The following APBB2 variants were observed in gnomAD, a reference collection of about 807,000 sequenced individuals.
APBB2 encodes the protein amyloid beta precursor protein binding family B member 2.
A neutral mutation model predicts 82.5 loss-of-function variants in APBB2; 38 were observed. That is an observed-to-expected ratio of 0.46 (90% confidence interval 0.36 to 0.60). The LOEUF (loss-of-function observed/expected upper bound fraction) is 0.60. Among genes scored for constraint, APBB2 ranks in the 20% least tolerant of loss-of-function variants. The pLI is 0.00. For synonymous variants in APBB2, 341 were observed against 368.2 expected, an observed-to-expected ratio of 0.93 and a Z score of 0.85; for missense variants, 772 against 972.3, an observed-to-expected ratio of 0.79 and a Z score of 2.74.
chr4:41,210,867 GA>G (rs1366105315), intron 1 of APBB2, among the ~76,000 whole-genome samples: 8 of 152,214 alleles, frequency 5.3e-5, no homozygotes, highest in African/African-American at 1.9e-4. Context: ...TACCTTTTCA[GA>G]GGGGTTTTCT....
chr4:41,105,158 C>T (rs932530135), intron 2 of APBB2, among the ~76,000 whole-genome samples: 3 of 152,158 alleles, frequency 2.0e-5, no homozygotes, highest in African/African-American at 7.2e-5. Flanking sequence ...AGTTAACATT[C>T]AGCATACATA....
At chr4:40,941,392 T>C (rs139568112) in intron 7 of APBB2, among the ~76,000 whole-genome samples, 223 of 152,306 alleles carry the variant, frequency 1.5e-3, no homozygotes, top group Middle Eastern at 3.4e-3. Flanking sequence ...ATATGTGACA[T>C]AGCCTCCCTT....
At chr4:41,075,776 T>C (rs1422282415) in intron 3 of APBB2, among the ~76,000 whole-genome samples, 1 of 152,240 alleles carries the variant, frequency 6.6e-6, no homozygotes, top group Non-Finnish European at 1.5e-5. Context: ...ATGTATACTT[T>C]AGAGATAACT....
At chr4:41,049,251 G>C (rs1190419157) in intron 4 of APBB2, among the ~76,000 whole-genome samples, 1 of 147,712 alleles carries the variant, frequency 6.8e-6, no homozygotes, top group South Asian at 2.2e-4. Context: ...CCGTCTGGGA[G>C]GTGAGGAGCG....
At chr4:40,891,815 G>T (rs1181669374) in intron 11 of APBB2, among the ~76,000 whole-genome samples, 1 of 151,960 alleles carries the variant, frequency 6.6e-6, no homozygotes, top group Non-Finnish European at 1.5e-5. Flanking sequence ...TCCTCCAAAG[G>T]TCAGTCATTC....
At chr4:41,098,039 T>G (rs1407102134) in intron 3 of APBB2, among the ~76,000 whole-genome samples, 1 of 145,120 alleles carries the variant, frequency 6.9e-6, no homozygotes, top group Non-Finnish European at 1.5e-5. Flanking sequence ...TCCCATTAAC[T>G]TCCATGTAAC....
At chr4:41,092,581 C>T (rs1324755174) in intron 3 of APBB2, among the ~76,000 whole-genome samples, 3 of 151,142 alleles carry the variant, frequency 2.0e-5, no homozygotes, top group Non-Finnish European at 4.4e-5. Flanking sequence ...CGCAGCTACT[C>T]GGGAGGCTGA....
intron 1 of APBB2, among the ~76,000 whole-genome samples, chr4:41,153,069 C>T (rs963668726): frequency 6.6e-6 from 1 of 152,132 alleles, no homozygotes; most frequent in Non-Finnish European, 1.5e-5. Flanking sequence ...CATGCCCGTA[C>T]CCCAAAAGCT....
chr4:40,980,821 T>C (rs1178045555), intron 6 of APBB2, among the ~76,000 whole-genome samples: 1 of 152,204 alleles, frequency 6.6e-6, no homozygotes, highest in Non-Finnish European at 1.5e-5. Context: ...TCAGGCTTTT[T>C]CTCAAATCTA....
intron 3 of APBB2, among the ~76,000 whole-genome samples, chr4:41,081,492 A>G (rs1208282225): frequency 2.0e-5 from 3 of 152,260 alleles, no homozygotes; most frequent in Admixed American, 6.5e-5. Flanking sequence ...CGTATAAAGG[A>G]GGTAAATTCA....
At chr4:41,195,196 G>A in intron 1 of APBB2, among the ~76,000 whole-genome samples, 2 of 152,072 alleles carry the variant, frequency 1.3e-5, no homozygotes, top group African/African-American at 4.8e-5. Context: ...AAACTCGTAA[G>A]TCCAACTGCC....
chr4:41,091,393 G>A (rs576629194), intron 3 of APBB2, among the ~76,000 whole-genome samples: 1 of 152,306 alleles, frequency 6.6e-6, no homozygotes, highest in East Asian at 1.9e-4. Context: ...CCGTTTATTT[G>A]CAGATACTTT....
Position 41,127,326 on chromosome 4 carries a change from G to A in APBB2, c.-261+15661C>T, listed in dbSNP as rs1249626039. ...CACATTTTATAAGCATTTGTACTGC[G>A]ACAATACAACACAAGGAAAAAAAAA... On this transcript the variant is annotated intron_variant, in intron 2 of 17. Coordinates refer to ENST00000508593, the MANE Select transcript of APBB2 (RefSeq NM_004307.2). This position sits in a 1 kb window ranked among gnomAD's most constrained non-coding sequence, Gnocchi z 4.8. Among the ~76,000 whole-genome samples the A allele has an allele frequency of 5.3e-5, 8 of 151,980 alleles. No individual in the cohort carries two copies. Among genetic ancestry groups the A allele is most frequent in the African/African-American group, 1.7e-4 (7 of 41,390 alleles).
At chr4:41,212,158 GGAAAA>G (rs1779486422) in intron 1 of APBB2, among the ~76,000 whole-genome samples, 1 of 152,070 alleles carries the variant, frequency 6.6e-6, no homozygotes, top group South Asian at 2.1e-4. Context: ...TCTGGTGGCA[GGAAAA>G]GAAAACAGTC....
At chr4:40,850,009 C>A (rs1490175632) in intron 12 of APBB2, among the ~76,000 whole-genome samples, 1 of 152,210 alleles carries the variant, frequency 6.6e-6, no homozygotes, top group African/African-American at 2.4e-5. Context: ...CAGGCGTGAG[C>A]CACCGTGCCC....
At position 40,812,274 on chromosome 4, in the gene APBB2, A is replaced by C. The variant is rs1275674050; in HGVS notation, c.*3818T>G. Reference sequence around the variant, plus strand: ...TCTATTTCTATTCCTTGTATATGTGACTAAGATGTCAGATAAATGAGCCGA... The same window carrying C: ...TCTATTTCTATTCCTTGTATATGTGCCTAAGATGTCAGATAAATGAGCCGA... On this transcript the variant is annotated 3_prime_UTR_variant, in exon 18 of 18. Transcript: ENST00000508593. 6.6e-6 allele frequency: 1 copy of C among 152,252 alleles called. No individual in the cohort carries two copies. The allele number at this position is 152,252 out of a possible 1,614,324, so 9.4% of individuals were successfully genotyped here.
chr4:41,083,918 T>A (rs1193988942), intron 3 of APBB2, among the ~76,000 whole-genome samples: 4 of 151,948 alleles, frequency 2.6e-5, no homozygotes. Flanking sequence ...TAATAAAAAT[T>A]AAAATGCTGT....
chr4:41,112,754 C>T (rs1206295027), intron 2 of APBB2, among the ~76,000 whole-genome samples: 2 of 152,100 alleles, frequency 1.3e-5, no homozygotes, highest in Non-Finnish European at 2.9e-5. Flanking sequence ...CTTTGGGAGG[C>T]CAAGGCGGGT....
chr4:41,065,410 T>G (rs1330612539), intron 4 of APBB2, among the ~76,000 whole-genome samples, 166 bp downstream of exon 4: 1 of 152,232 alleles, frequency 6.6e-6, no homozygotes, highest in East Asian at 1.9e-4. Flanking sequence ...AGATAACATT[T>G]CTTACCATGC....
Sources: allele counts gnomAD v4.1 joint callset (sites outside exome capture counted in the v4.1 genomes callset), GRCh38; gene constraint gnomAD v4.1.1; non-coding constraint Gnocchi (gnomAD v3.1); transcripts MANE v1.5; gene names NCBI Gene and HGNC (gene_info 2026-07-23, HGNC 2026-07-21).